The following EPB41L3 variants were observed in gnomAD, a reference collection of about 807,000 sequenced individuals.
The protein encoded by EPB41L3 is erythrocyte membrane protein band 4.1 like 3, also known as band 4.1-like protein 3.
In EPB41L3, 57 loss-of-function variants were observed where a neutral mutation model predicts 127.1. The ratio of observed to expected loss-of-function variants is 0.45; its 90% CI spans 0.36 to 0.56. EPB41L3 has a LOEUF of 0.56. Ranked by LOEUF, EPB41L3 falls within the 20% of genes least tolerant of loss-of-function variation. The probability of loss-of-function intolerance (pLI) is 0.00; values close to 1 mark genes in which losing one functional copy is unlikely to be tolerated. For missense variants in EPB41L3, 1,273 were observed against 1,372.2 expected, an observed-to-expected ratio of 0.93 and a Z score of 1.14; for synonymous variants, 572 against 549.5, an observed-to-expected ratio of 1.04 and a Z score of -0.57.
Position 5,397,956 on chromosome 18 carries a change from A to C in EPB41L3, c.2472+65T>G, listed in dbSNP as rs2073859062. On this transcript the variant is annotated intron_variant, in intron 17 of 22. Coordinates refer to ENST00000341928, the MANE Select transcript of EPB41L3 (RefSeq NM_012307.5). The surrounding 1 kb of genome is among the most constrained non-coding windows in gnomAD (Gnocchi z 4.1). ...GGATGCAACCACACACTCACGCCCA[A>C]AAAAAGGGTAAGGAAAGGCACATGG... 1 of 1,607,184 alleles carries C rather than the reference A, an allele frequency of 6.2e-7. No individual in the cohort carries two copies. The highest frequency in any genetic ancestry group is 8.5e-7 in the Non-Finnish European group (1 of 1,176,262).
At chr18:5,577,340 TAAGA>T (rs756903957) in intron 3 of EPB41L3, 2 of 453,464 alleles carry the variant, frequency 4.4e-6, no homozygotes, top group South Asian at 3.1e-5. Context: ...CTCCAAATCC[TAAGA>T]GAGACTTTGA....
At chr18:5,561,241 T>C (rs2094131506) in intron 3 of EPB41L3, among the ~76,000 whole-genome samples, 1 of 152,068 alleles carries the variant, frequency 6.6e-6, no homozygotes, top group South Asian at 2.1e-4. Flanking sequence ...CCTCCCAAAG[T>C]GCTGGGATTA....
intron 5 of EPB41L3, among the ~76,000 whole-genome samples, chr18:5,438,860 A>G (rs1598939501): frequency 6.6e-6 from 1 of 152,214 alleles, no homozygotes; most frequent in Non-Finnish European, 1.5e-5. Context: ...GCTCACAAGT[A>G]TCTACTCTCT....
In EPB41L3 at chr18:5,392,643, C is replaced by T. The variant is rs1349958837; in HGVS notation, c.*842G>A. On this transcript the variant is annotated 3_prime_UTR_variant, in exon 23 of 23. Coordinates refer to ENST00000341928, the MANE Select transcript of EPB41L3 (RefSeq NM_012307.5). ...GAAAAATCAATTAAAAAATACACGGCACGGAAAAAGTAACTAAGAAAACAA... is the reference window on the plus strand; with the variant it reads ...GAAAAATCAATTAAAAAATACACGGTACGGAAAAAGTAACTAAGAAAACAA... 1 of 152,502 alleles carries T rather than the reference C, an allele frequency of 6.6e-6. No individual in the cohort carries two copies. Among genetic ancestry groups the T allele is most frequent in the Non-Finnish European group, 1.5e-5 (1 of 68,024 alleles). 9.4% of individuals were successfully genotyped at this position (152,502 alleles called of 1,614,324 possible).
intron 1 of EPB41L3, chr18:5,508,275 T>C (rs1282442520): frequency 6.6e-6 from 1 of 152,196 alleles, no homozygotes; most frequent in Non-Finnish European, 1.5e-5. Context: ...AGCTGTGTTT[T>C]CCCCTGGTGA....
chr18:5,504,778 C>T (rs2092015874), intron 1 of EPB41L3, among the ~76,000 whole-genome samples: 1 of 152,094 alleles, frequency 6.6e-6, no homozygotes, highest in African/African-American at 2.4e-5. Flanking sequence ...GTAAAGGCAA[C>T]CACAGGTGTC....
intron 1 of EPB41L3, among the ~76,000 whole-genome samples, chr18:5,489,871 A>C (rs1272781220): frequency 6.6e-6 from 1 of 152,092 alleles, no homozygotes; most frequent in African/African-American, 2.4e-5. Flanking sequence ...ATTTCCATTG[A>C]GTGTTGAAAG....
At chr18:5,567,179 C>T (rs1474874004) in intron 3 of EPB41L3, 1 of 152,254 alleles carries the variant, frequency 6.6e-6, no homozygotes, top group Non-Finnish European at 1.5e-5. Flanking sequence ...GTATCTGCAG[C>T]CTTTCTTTTC....
At chr18:5,545,202 C>T (rs2093856054), upstream of EPB41L3, among the ~76,000 whole-genome samples, 1 of 152,060 alleles carries the variant, frequency 6.6e-6, no homozygotes, top group South Asian at 2.1e-4. Flanking sequence ...TCATGTTGTA[C>T]GTTATTAATT....
chr18:5,489,481 A>T (rs1457244580), intron 1 of EPB41L3: 2 of 356,998 alleles, frequency 5.6e-6, no homozygotes, highest in Non-Finnish European at 9.9e-6. Flanking sequence ...GTTAAATGAC[A>T]TTAAAGAAAT....
intron 3 of EPB41L3, among the ~76,000 whole-genome samples, chr18:5,454,225 T>TG (rs1170551334): frequency 1.3e-5 from 2 of 151,192 alleles, no homozygotes; most frequent in East Asian, 3.9e-4. Context: ...TTTTTTTTTT[T>TG]TTAATCCATA....
rs1284483567 is a variant in EPB41L3, at chr18:5,397,575, T to C, written c.2473-149A>G. 6 of 1,017,446 alleles carry C rather than the reference T, an allele frequency of 5.9e-6. No homozygotes were observed. Among genetic ancestry groups the C allele is most frequent in the Non-Finnish European group, 8.4e-6 (6 of 716,356 alleles). 63.0% of individuals were successfully genotyped at this position (1,017,446 alleles called of 1,614,324 possible). A position where few individuals can be genotyped will look rare whatever the true frequency, so the allele number is the denominator to read the frequency against. ...GACGAAAAATATAAATTAGCTTTCA[T>C]TTCTCCCACTGAAATCTCTGATGCC... On this transcript the variant is annotated intron_variant, in intron 17 of 22. Transcript: ENST00000341928. This position sits in a 1 kb window ranked among gnomAD's most constrained non-coding sequence, Gnocchi z 4.1.
chr18:5,396,294 A>G lies in EPB41L3; in HGVS notation c.2880T>C (p.Ser960=). The G allele has an allele frequency of 6.2e-7, 1 of 1,614,240 alleles. No individual in the cohort carries two copies. The highest frequency in any genetic ancestry group is 1.3e-5 in the African/African-American group (1 of 75,070). The change falls in exon 19 of 23, where the codon AGT becomes AGC. Residue 960 remains serine, a synonymous_variant. Transcript: ENST00000341928. ...TVKTETISFG[S]VSPGGVKLEI... Reference sequence around the variant, plus strand: ...CTAGCTTTACTCCTCCCGGTGAAACACTGCCAAAACTGATGGTTTCCGTCT... The same window carrying G: ...CTAGCTTTACTCCTCCCGGTGAAACGCTGCCAAAACTGATGGTTTCCGTCT...
chr18:5,465,150 A>G (rs1219931476), intron 3 of EPB41L3, among the ~76,000 whole-genome samples: 1 of 152,224 alleles, frequency 6.6e-6, no homozygotes, highest in Non-Finnish European at 1.5e-5. Flanking sequence ...TGAGAAAAAA[A>G]GCAAGTTTCC....
At chr18:5,497,040 A>G (rs1165377052) in intron 1 of EPB41L3, among the ~76,000 whole-genome samples, 1 of 152,232 alleles carries the variant, frequency 6.6e-6, no homozygotes. Flanking sequence ...CCAGTGTTGA[A>G]ATATCAAGAA....
chr18:5,413,877 G>A (rs992344568), intron 13 of EPB41L3, among the ~76,000 whole-genome samples: 6 of 152,170 alleles, frequency 3.9e-5, no homozygotes, highest in African/African-American at 1.4e-4. Flanking sequence ...TCACACGTTC[G>A]CTAGCTTGTA....
chr18:5,502,299 A>G (rs1300642637), intron 1 of EPB41L3, among the ~76,000 whole-genome samples: 1 of 150,902 alleles, frequency 6.6e-6, no homozygotes, highest in Admixed American at 6.6e-5. Flanking sequence ...TCAGAAATAA[A>G]TTTGGAAAAA....
intron 13 of EPB41L3, 80 bp downstream of exon 13, chr18:5,415,738 A>G (rs769482451): frequency 4.3e-6 from 6 of 1,399,476 alleles, no homozygotes; most frequent in Non-Finnish European, 5.9e-6. Flanking sequence ...TAGGACCACT[A>G]TGGCAGCAGC....
At chr18:5,537,502 T>C (rs1019197551) in intron 1 of EPB41L3, among the ~76,000 whole-genome samples, 5 of 152,144 alleles carry the variant, frequency 3.3e-5, no homozygotes, top group Non-Finnish European at 7.4e-5. Flanking sequence ...GTCTCCAGAT[T>C]CCTATTCTTC....
Sources: gnomAD v4.1 joint callset for allele counts (sites outside exome capture counted in the v4.1 genomes callset) on GRCh38, gnomAD v4.1.1 for gene constraint, Gnocchi (gnomAD v3.1) non-coding constraint, MANE v1.5 for transcripts, NCBI Gene and HGNC (gene_info 2026-07-23, HGNC 2026-07-21) for gene names.